GLB1: variants seen among roughly 807,000 people sequenced by gnomAD.
GLB1 encodes galactosidase beta 1.
GLB1 carries 56 observed loss-of-function variants against 74.0 expected under a neutral mutation model. That is an observed-to-expected ratio of 0.76 (90% CI 0.61 to 0.94). GLB1 has a LOEUF of 0.94. GLB1 is among the 40% of genes least tolerant of loss of function. The pLI, the probability that GLB1 is intolerant of heterozygous loss-of-function variation, is 0.00. For missense variants in GLB1, 787 were observed against 845.5 expected (o/e 0.93, Z 0.86); for synonymous variants, 323 against 323.6 (o/e 1.00, Z 0.02).
chr3:33,023,962 G>A (rs535783476), intron 11 of GLB1, among the ~76,000 whole-genome samples: 3 of 152,036 alleles, frequency 2.0e-5, no homozygotes, highest in Non-Finnish European at 4.4e-5. Context: ...ACTTGACACT[G>A]TTTAAACCAC....
chr3:33,018,608 T>G (rs1559384612), intron 12 of GLB1, 47 bp from the exon 13 acceptor site: 1 of 1,594,718 alleles, frequency 6.3e-7, no homozygotes. Flanking sequence ...TTGCCATTCA[T>G]TTAGAGAACT....
chr3:32,962,650 C>A, the GLB1 span, among the ~76,000 whole-genome samples: 4 of 152,010 alleles, frequency 2.6e-5, no homozygotes, highest in African/African-American at 9.7e-5. Context: ...AACTCAATTA[C>A]ATTTATATTT....
At chr3:33,012,517 C>A (rs1464511438) in intron 15 of GLB1, among the ~76,000 whole-genome samples, 9 of 152,198 alleles carry the variant, frequency 5.9e-5, no homozygotes, top group African/African-American at 2.2e-4. Flanking sequence ...CACCAGACAG[C>A]AAATCTACTG....
chr3:33,087,468 G>A (rs1700554123), intron 1 of GLB1, among the ~76,000 whole-genome samples: 1 of 152,108 alleles, frequency 6.6e-6, no homozygotes, highest in South Asian at 2.1e-4. Flanking sequence ...TACTTGGGAG[G>A]CTGAGGAAGG....
chr3:33,018,239 T>G (rs1297579972), intron 13 of GLB1, among the ~76,000 whole-genome samples: 1 of 131,994 alleles, frequency 7.6e-6, no homozygotes, highest in African/African-American at 3.0e-5. Context: ...TGAGCTGTGA[T>G]TGCACCACTG....
At position 33,093,672 on chromosome 3, in the gene GLB1, A is replaced by T. The variant is rs761474828; in HGVS notation, c.75+3339T>A. The T allele has an allele frequency of 1.2e-6, 2 of 1,614,128 alleles. No homozygotes were observed. The highest frequency in any genetic ancestry group is 1.1e-5 in the South Asian group (1 of 91,076). On this transcript the variant is annotated intron_variant, in intron 1 of 15. Coordinates refer to ENST00000307363, the MANE Select transcript of GLB1 (RefSeq NM_000404.4). This position sits in a 1 kb window ranked among gnomAD's most constrained non-coding sequence, Gnocchi z 6.0. Reference sequence around the variant, plus strand: ...ATTCAGAATCCCGGCCACGCTGAGCACAGCAGTCACTCCCACTGCCAGGGC... The same window carrying T: ...ATTCAGAATCCCGGCCACGCTGAGCTCAGCAGTCACTCCCACTGCCAGGGC...
In GLB1 at chr3:33,024,232, T is replaced by C; in HGVS notation, c.1143+19A>G. On this transcript the variant is annotated intron_variant, in intron 11 of 15. Transcript: ENST00000307363. The stretch of plus-strand genomic sequence containing the variant: ...TCCCATCTCTCACTTTCAAAGTTTC[T>C]GTTATTTTTTTTTCTTACCTTTTCC... 6.2e-7 allele frequency: 1 copy of C among 1,602,944 alleles called. No homozygotes were observed. The highest frequency in any genetic ancestry group is 8.5e-7 in the Non-Finnish European group (1 of 1,175,370).
At chr3:33,008,707 G>C (rs1411273719) in intron 15 of GLB1, among the ~76,000 whole-genome samples, 1 of 152,192 alleles carries the variant, frequency 6.6e-6, no homozygotes, top group Non-Finnish European at 1.5e-5. Flanking sequence ...GCTGTGCTCA[G>C]TGACTGGTGA....
chr3:32,971,105 G>A, the GLB1 span, among the ~76,000 whole-genome samples: 3 of 152,316 alleles, frequency 2.0e-5, no homozygotes, highest in South Asian at 6.2e-4. Context: ...AACATTCAGT[G>A]GTCTACGCTA....
chr3:33,087,575 G>GCA (rs1700559368), intron 1 of GLB1, among the ~76,000 whole-genome samples: 15 of 36,000 alleles, frequency 4.2e-4, no homozygotes, highest in Admixed American at 2.2e-3. Flanking sequence ...GTCTCAGCAT[G>GCA]CGCGCACACA....
rs587776526 is a variant in GLB1 at position 33,014,312 on chromosome 3, T to C, written c.1480-2A>G. 10 of 1,613,380 alleles carry C rather than the reference T, an allele frequency of 6.2e-6. No homozygotes were observed. The highest frequency in any genetic ancestry group is 8.5e-6 in the Non-Finnish European group (10 of 1,179,762). The stretch of plus-strand genomic sequence containing the variant: ...GAGAGTCAGGTTAGAAACCAAACCC[T>C]GCAAAGCAGAAACAGAGCACAGTGA... On this transcript the variant is annotated splice_acceptor_variant, in intron 14 of 15. Transcript: ENST00000307363. LOFTEE classifies it high-confidence loss of function.
chr3:33,031,343 T>A (rs1697996324), intron 10 of GLB1, among the ~76,000 whole-genome samples: 1 of 151,888 alleles, frequency 6.6e-6, no homozygotes. Context: ...CTACAAAGTC[T>A]CATAAGAAAG....
chr3:32,967,542 A>G, the GLB1 span, among the ~76,000 whole-genome samples: 1 of 152,188 alleles, frequency 6.6e-6, no homozygotes, highest in African/African-American at 2.4e-5. Context: ...CCCTCTACCC[A>G]CAAAATGCTT....
chr3:33,073,070 A>G (rs896928018), intron 1 of GLB1, among the ~76,000 whole-genome samples: 4 of 152,128 alleles, frequency 2.6e-5, no homozygotes, highest in Non-Finnish European at 5.9e-5. Context: ...TGTTGCTGTG[A>G]CCTGCCTGAG....
At chr3:32,985,258 C>A in the GLB1 span, among the ~76,000 whole-genome samples, 1 of 151,722 alleles carries the variant, frequency 6.6e-6, no homozygotes, top group Non-Finnish European at 1.5e-5. Context: ...TTTTATGCAT[C>A]TGCATGTTTA....
At chr3:32,990,122 T>C in the GLB1 span, among the ~76,000 whole-genome samples, 1 of 152,236 alleles carries the variant, frequency 6.6e-6, no homozygotes, top group East Asian at 1.9e-4. Flanking sequence ...CCCAGTCAGA[T>C]TGAGGTACAT....
At chr3:33,037,467 T>C (rs1311866642) in intron 10 of GLB1, among the ~76,000 whole-genome samples, 1 of 152,122 alleles carries the variant, frequency 6.6e-6, no homozygotes, top group Non-Finnish European at 1.5e-5. Context: ...GATTGTGAAA[T>C]GAAGCAATAG....
At chr3:33,095,075 G>T (rs1700953326) in intron 1 of GLB1, among the ~76,000 whole-genome samples, 1 of 151,994 alleles carries the variant, frequency 6.6e-6, no homozygotes, top group Non-Finnish European at 1.5e-5. Flanking sequence ...GCCAGGCATG[G>T]TGGTGGATGC....
rs757870586 is a variant in GLB1 at position 33,065,444 on chromosome 3, T to C, written c.552+19A>G. The C allele has an allele frequency of 2.9e-5, 45 of 1,567,280 alleles. 1 individual carries two copies. In the South Asian group the frequency reaches 5.2e-4, roughly 18 times the overall value. On this transcript the variant is annotated intron_variant, in intron 5 of 15. Transcript: ENST00000307363. ...GGGAACCCCTCCCCCAATCCATCCA[T>C]GCTCAACTCCAGGGTTACCTGCACT...
Sources: gnomAD v4.1 joint callset for allele counts (sites outside exome capture counted in the v4.1 genomes callset) on GRCh38, gnomAD v4.1.1 for gene constraint, Gnocchi (gnomAD v3.1) non-coding constraint, MANE v1.5 for transcripts, NCBI Gene and HGNC (gene_info 2026-07-23, HGNC 2026-07-21) for gene names.